PLA2G4C: variants seen among roughly 807,000 people sequenced by gnomAD.
PLA2G4C encodes the protein cytosolic phospholipase A2 gamma.
In PLA2G4C, 64 loss-of-function variants were observed where a neutral mutation model predicts 73.8. The observed-to-expected ratio is 0.87, with a 90% CI of 0.71 to 1.07. PLA2G4C has a LOEUF of 1.07. Ranked by LOEUF, PLA2G4C falls within the 50% of genes least tolerant of loss-of-function variation. PLA2G4C has a pLI of 0.00. For missense variants in PLA2G4C, 622 were observed against 665.4 expected (o/e 0.93, Z 0.72); for synonymous variants, 254 against 252.1 (o/e 1.01, Z -0.07).
chr19:48,104,303 A>G, intron 4 of PLA2G4C: 1 of 334,420 alleles, frequency 3.0e-6, no homozygotes, highest in Non-Finnish European at 5.5e-6. Flanking sequence ...AGCTGTGGGA[A>G]ACCCCAAACT....
At chr19:48,065,277 CG>C (rs58262408) in intron 13 of PLA2G4C, among the ~76,000 whole-genome samples, 2,767 of 70,476 alleles carry the variant, frequency 0.039, 112 homozygotes, top group African/African-American at 0.096. Context: ...GAGGAGGGGT[CG>C]GGGGGGGGCT....
intron 10 of PLA2G4C, among the ~76,000 whole-genome samples, chr19:48,082,996 A>C (rs1159042968): frequency 6.6e-6 from 1 of 151,024 alleles, no homozygotes; most frequent in Non-Finnish European, 1.5e-5. Context: ...TGTATTTTTT[A>C]GTAGAGACGG....
intron 9 of PLA2G4C, among the ~76,000 whole-genome samples, 162 bp downstream of exon 9, chr19:48,088,524 C>A (rs2031110848): frequency 1.3e-5 from 2 of 152,160 alleles, no homozygotes; most frequent in South Asian, 2.1e-4. Flanking sequence ...ACCTCTCCAG[C>A]AACAGATCCA....
At position 48,054,956 on chromosome 19, in the gene PLA2G4C, CG is replaced by C. The variant is rs751259929; in HGVS notation, c.1350del (p.Ala451ProfsTer6). 1.9e-6 allele frequency: 3 copies of C among 1,613,802 alleles called. No homozygotes were observed. Among genetic ancestry groups the C allele is most frequent in the South Asian group, 1.1e-5 (1 of 91,076 alleles). Reference sequence around the variant, plus strand: ...TCTCCTTTCAGGATGTAGCAGCTGGCGGGGGCCTTGGACCACAAATCCAGCT... The same window carrying C: ...TCTCCTTTCAGGATGTAGCAGCTGGCGGGGCCTTGGACCACAAATCCAGCT... ...EAELDLWSKA[P>X]ASCYILKGET... On this transcript the variant is annotated frameshift_variant, in exon 15 of 17. Transcript: ENST00000599921. LOFTEE classifies it high-confidence loss of function.
In PLA2G4C at chr19:48,104,706, G is replaced by C. The variant is rs1375831350; in HGVS notation, c.139C>G (p.Leu47Val). Residue 47 changes from leucine to valine, a missense_variant, in exon 4 of 17, where the codon CTG (leucine) becomes GTG (valine). Leu to Val is a conservative substitution (Grantham distance 32). Transcript: ENST00000599921. ...GCCCGCAGTCCTCCGCCTGAGCCCA[G>C]CACAGCAACAACTGGGGCCTAGGCA... is the stretch of plus-strand genomic sequence containing the variant. ...EADEAPVVAV[L>V]GSGGGLRAHI... The C allele has an allele frequency of 1.9e-6, 3 of 1,614,054 alleles. No homozygotes were observed. In the East Asian group the frequency reaches 6.7e-5, roughly 36 times the overall value.
At chr19:48,084,969 C>T in intron 10 of PLA2G4C, 90 bp downstream of exon 10, 1 of 907,904 alleles carries the variant, frequency 1.1e-6, no homozygotes, top group Non-Finnish European at 1.8e-6. Context: ...ATACACAGGC[C>T]TCTTTTCTGC....
At chr19:48,067,670 C>T (rs1000529057) in intron 13 of PLA2G4C, 121 bp downstream of exon 13, 4 of 732,620 alleles carry the variant, frequency 5.5e-6, no homozygotes, top group Non-Finnish European at 9.9e-6. Context: ...TTTGACACCA[C>T]CCCCCTCCAA....
At position 48,062,123 on chromosome 19, in the gene PLA2G4C, G is replaced by A. The variant is rs772715053; in HGVS notation, c.1132C>T (p.Arg378Trp). The A allele has an allele frequency of 2.1e-5, 33 of 1,600,914 alleles. 1 individual carries two copies. The highest frequency in any genetic ancestry group is 1.7e-4 in the South Asian group (15 of 88,792). ...GCATCCACCAGGTGGAGGTGCTTCCGGCTGCTCATTATCTTGTCCCGGATG... is the reference window on the plus strand; with the variant it reads ...GCATCCACCAGGTGGAGGTGCTTCCAGCTGCTCATTATCTTGTCCCGGATG... ...GGIRDKIMSS[R>W]KHLHLVDAGL... Residue 378 changes from arginine to tryptophan, a missense_variant, in exon 14 of 17, where the codon CGG (arginine) becomes TGG (tryptophan). Arg to Trp is a moderately radical substitution (Grantham distance 101). Coordinates refer to ENST00000599921, the MANE Select transcript of PLA2G4C (RefSeq NM_003706.3).
chr19:48,097,817 C>A, intron 6 of PLA2G4C: 1 of 263,094 alleles, frequency 3.8e-6, no homozygotes, highest in Non-Finnish European at 7.2e-6. Context: ...TGGGATCTCA[C>A]TATGTTGCCC....
At chr19:48,105,941 C>CTTTCTTTCTTT (rs2032200950) in intron 2 of PLA2G4C, among the ~76,000 whole-genome samples, 2 of 9,898 alleles carry the variant, frequency 2.0e-4, no homozygotes, top group African/African-American at 2.1e-3. Flanking sequence ...CTCCCTCCCT[C>CTTTCTTTCTTT]CCTCCCTTCT....
intron 13 of PLA2G4C, among the ~76,000 whole-genome samples, chr19:48,062,543 G>A (rs1372424350): frequency 6.6e-6 from 1 of 152,166 alleles, no homozygotes; most frequent in Admixed American, 6.5e-5. Flanking sequence ...CCATGAGCCG[G>A]AGGTTGCAGT....
rs897957589 is a variant in PLA2G4C, at chr19:48,099,865, A to G, written c.258-5T>C. ...GTGTAGAGAGAAGATATTGCCCTGG[A>G]GGACAGAGGAAGAGAGTGAGTTGGG... On this transcript the variant is annotated splice_region_variant and splice_polypyrimidine_tract_variant and intron_variant, in intron 4 of 16. Transcript: ENST00000599921. The G allele has an allele frequency of 6.2e-6, 10 of 1,605,874 alleles. No individual in the cohort carries two copies. The highest frequency in any genetic ancestry group is 8.5e-6 in the Non-Finnish European group (10 of 1,173,608).
intron 14 of PLA2G4C, 62 bp downstream of exon 14, chr19:48,061,934 CAA>C: frequency 6.4e-7 from 1 of 1,558,690 alleles, no homozygotes; most frequent in Non-Finnish European, 8.8e-7. Context: ...AGTTCCTCCG[CAA>C]AGTCAGCTTC....
chr19:48,096,270 T>C (rs1294569356), intron 6 of PLA2G4C, among the ~76,000 whole-genome samples: 1 of 151,938 alleles, frequency 6.6e-6, no homozygotes, highest in Non-Finnish European at 1.5e-5. Flanking sequence ...AGCACAAGGA[T>C]CCACACCGAG....
At position 48,110,564 on chromosome 19, in the gene PLA2G4C, C is replaced by CCGGTGCGGAGGCTTGGGCTCCA; in HGVS notation, c.-111_-110insTGGAGCCCAAGCCTCCGCACCG. On this transcript the variant is annotated 5_prime_UTR_variant, in exon 1 of 17. The change creates a new upstream start codon in the 5' untranslated region. Transcript: ENST00000599921. Reference sequence around the variant, plus strand: ...AATCCGGTGCGGAGGCTTGGGCTCCCTGCGCTTAGCGGTGTAGTCGCTGGA... The same window carrying CCGGTGCGGAGGCTTGGGCTCCA: ...AATCCGGTGCGGAGGCTTGGGCTCCCCGGTGCGGAGGCTTGGGCTCCATGCGCTTAGCGGTGTAGTCGCTGGA... The CCGGTGCGGAGGCTTGGGCTCCA allele has an allele frequency of 1.7e-5, 7 of 403,510 alleles. No individual in the cohort carries two copies. Among genetic ancestry groups the CCGGTGCGGAGGCTTGGGCTCCA allele is most frequent in the Non-Finnish European group, 9.5e-6 (3 of 314,364 alleles). 25.0% of individuals were successfully genotyped at this position (403,510 alleles called of 1,614,324 possible). A position where few individuals can be genotyped will look rare whatever the true frequency, so the allele number is the denominator to read the frequency against.
intron 14 of PLA2G4C, 65 bp downstream of exon 14, chr19:48,061,933 G>C: frequency 1.3e-6 from 2 of 1,547,558 alleles, no homozygotes; most frequent in Non-Finnish European, 1.8e-6. Flanking sequence ...CAGTTCCTCC[G>C]CAAAGTCAGC....
At chr19:48,078,223 A>G (rs1255528664) in intron 10 of PLA2G4C, among the ~76,000 whole-genome samples, 3 of 152,228 alleles carry the variant, frequency 2.0e-5, no homozygotes, top group African/African-American at 7.2e-5. Context: ...ACTTCAATGT[A>G]ATAAAAGCCA....
At chr19:48,060,359 C>A (rs1366443) in intron 14 of PLA2G4C, among the ~76,000 whole-genome samples, 3 of 152,070 alleles carry the variant, frequency 2.0e-5, no homozygotes, top group South Asian at 2.1e-4. Context: ...CATTTCAAGT[C>A]CTCAAGTGCC....
At position 48,105,994 on chromosome 19, in the gene PLA2G4C, CTCTT is replaced by C. The variant is rs1393287328; in HGVS notation, c.8+524_8+527del. ...TCTTTCTTTCTTTCTTTCTTTCTTT[CTCTT>C]TCTCTCTCTCTTTTTTGAGACAGAG... On this transcript the variant is annotated intron_variant, in intron 2 of 16. Coordinates refer to ENST00000599921, the MANE Select transcript of PLA2G4C (RefSeq NM_003706.3). Among the ~76,000 whole-genome samples the C allele has an allele frequency of 4.0e-5, 4 of 101,094 alleles. 1 individual carries two copies. Among genetic ancestry groups the C allele is most frequent in the African/African-American group, 1.8e-4 (4 of 22,262 alleles). The allele number at this position is 101,094 out of a possible 152,430, so 66.3% of individuals were successfully genotyped here. A position where few individuals can be genotyped will look rare whatever the true frequency, so the allele number is the denominator to read the frequency against.
Sources: gnomAD v4.1 joint callset for allele counts (sites outside exome capture counted in the v4.1 genomes callset) on GRCh38, gnomAD v4.1.1 for gene constraint, MANE v1.5 for transcripts, NCBI Gene and HGNC (gene_info 2026-07-23, HGNC 2026-07-21) for gene names.